FERRY3: variants seen among roughly 807,000 people sequenced by gnomAD.
FERRY3 encodes protein C12orf4.
the FERRY3 span, among the ~76,000 whole-genome samples, chr12:4,531,190 G>C: frequency 6.6e-6 from 1 of 152,176 alleles, no homozygotes; most frequent in Non-Finnish European, 1.5e-5. Flanking sequence ...GCTGAACCTA[G>C]AACTACGATT....
the FERRY3 span, among the ~76,000 whole-genome samples, chr12:4,529,621 T>C: frequency 1.3e-5 from 2 of 152,266 alleles, no homozygotes; most frequent in African/African-American, 2.4e-5. Flanking sequence ...ATTCCTCTTA[T>C]TAGAGATAAG....
the FERRY3 span, among the ~76,000 whole-genome samples, chr12:4,512,550 G>T: frequency 6.6e-6 from 1 of 151,776 alleles, no homozygotes; most frequent in Non-Finnish European, 1.5e-5. Flanking sequence ...CCATGATCAA[G>T]TGGGCTTCAT....
At chr12:4,505,307 A>G in the FERRY3 span, 1 of 1,577,070 alleles carries the variant, frequency 6.3e-7, no homozygotes, top group Non-Finnish European at 8.7e-7. Context: ...AATACTTACC[A>G]GGTAAAACAT....
chr12:4,510,002 A>C, the FERRY3 span, among the ~76,000 whole-genome samples: 1 of 137,482 alleles, frequency 7.3e-6, no homozygotes, highest in Non-Finnish European at 1.5e-5. Context: ...TTTGAAAAAA[A>C]TTTAGAAGAA....
chr12:4,507,988 T>C, the FERRY3 span, among the ~76,000 whole-genome samples: 1 of 152,216 alleles, frequency 6.6e-6, no homozygotes, highest in African/African-American at 2.4e-5. Flanking sequence ...TTTGTACAGT[T>C]TGAATTGTGA....
the FERRY3 span, among the ~76,000 whole-genome samples, chr12:4,492,748 A>C: frequency 5.9e-5 from 9 of 151,772 alleles, no homozygotes; most frequent in East Asian, 1.7e-3. Flanking sequence ...TCCCCTCTAA[A>C]CCACTAATTT....
chr12:4,514,781 T>C, the FERRY3 span, among the ~76,000 whole-genome samples: 104 of 151,814 alleles, frequency 6.9e-4, 1 homozygote, highest in Non-Finnish European at 1.1e-3. Context: ...GAGATATACC[T>C]AATGCTAGAT....
the FERRY3 span, chr12:4,489,810 G>C: frequency 6.3e-7 from 1 of 1,595,394 alleles, no homozygotes; most frequent in Non-Finnish European, 8.6e-7. Flanking sequence ...TAAGGGTTTA[G>C]TGCTTGGATG....
the FERRY3 span, among the ~76,000 whole-genome samples, chr12:4,532,854 A>T: frequency 6.6e-6 from 1 of 152,038 alleles, no homozygotes; most frequent in East Asian, 1.9e-4. Flanking sequence ...TATATTACCC[A>T]CCTAACAAAA....
At chr12:4,536,179 C>G in the FERRY3 span, 3 of 1,586,476 alleles carry the variant, frequency 1.9e-6, no homozygotes, top group Non-Finnish European at 2.6e-6. Context: ...CAGAATCTTT[C>G]TCTGTTTTTC....
At chr12:4,499,214 A>G in the FERRY3 span, among the ~76,000 whole-genome samples, 1 of 152,236 alleles carries the variant, frequency 6.6e-6, no homozygotes, top group East Asian at 1.9e-4. Flanking sequence ...CAGTTTCACC[A>G]TGTTGCTCAG....
At chr12:4,529,829 C>G in the FERRY3 span, 1 of 1,480,036 alleles carries the variant, frequency 6.8e-7, no homozygotes, top group South Asian at 1.3e-5. Context: ...TATTTGACAA[C>G]GTAACATTTA....
the FERRY3 span, among the ~76,000 whole-genome samples, chr12:4,493,960 G>A: frequency 6.6e-6 from 1 of 152,118 alleles, no homozygotes; most frequent in African/African-American, 2.4e-5. Context: ...GGGCATGATG[G>A]TGGGCGCCTG....
chr12:4,495,718 A>G, the FERRY3 span, among the ~76,000 whole-genome samples: 1 of 152,192 alleles, frequency 6.6e-6, no homozygotes, highest in African/African-American at 2.4e-5. Flanking sequence ...CACTTGTCCA[A>G]AGGTCATCAC....
At chr12:4,522,906 A>G in the FERRY3 span, among the ~76,000 whole-genome samples, 532 of 152,346 alleles carry the variant, frequency 3.5e-3, 3 homozygotes, top group African/African-American at 0.012. Context: ...GAAGCAAGAT[A>G]CAAATTGCTA....
the FERRY3 span, among the ~76,000 whole-genome samples, chr12:4,507,452 G>A: frequency 6.6e-6 from 1 of 152,072 alleles, no homozygotes; most frequent in Non-Finnish European, 1.5e-5. Flanking sequence ...AATATAAACT[G>A]GTAGAAATAC....
chr12:4,491,143 A>G, the FERRY3 span: 5 of 1,600,738 alleles, frequency 3.1e-6, no homozygotes, highest in Non-Finnish European at 4.3e-6. Flanking sequence ...GAGGAAATAC[A>G]GGTGGTGGTT....
At chr12:4,489,765 G>C in the FERRY3 span, 1 of 1,420,646 alleles carries the variant, frequency 7.0e-7, no homozygotes, top group Non-Finnish European at 9.8e-7. Flanking sequence ...TTCCTGGAGA[G>C]TTTAACAATC....
the FERRY3 span, among the ~76,000 whole-genome samples, chr12:4,526,154 G>T: frequency 5.3e-5 from 8 of 152,118 alleles, no homozygotes; most frequent in Admixed American, 4.6e-4. Flanking sequence ...ATTAAAAATG[G>T]TTTTTCCTAC....
Sources: gnomAD v4.1 joint callset for allele counts (sites outside exome capture counted in the v4.1 genomes callset) on GRCh38, gnomAD v4.1.1 for gene constraint, MANE v1.5 for transcripts, NCBI Gene and HGNC (gene_info 2026-07-23, HGNC 2026-07-21) for gene names.